Variants in ABTB2 observed in about 807,000 individuals in gnomAD.
ABTB2 encodes the protein ankyrin repeat and BTB/POZ domain-containing protein 2.
In ABTB2, 56 loss-of-function variants were observed where a neutral mutation model predicts 104.1. The observed-to-expected ratio is 0.54, with a 90% CI of 0.43 to 0.67. ABTB2 has a LOEUF of 0.67. Among genes scored for constraint, ABTB2 ranks in the 30% least tolerant of loss-of-function variants. The pLI is 0.00. For synonymous variants in ABTB2, 606 were observed against 608.2 expected (o/e 1.00, Z 0.05); for missense variants, 1,279 against 1,407.7 (o/e 0.91, Z 1.46).
chr11:34,351,439 T>C (rs908238481), intron 1 of ABTB2, among the ~76,000 whole-genome samples: 1 of 152,098 alleles, frequency 6.6e-6, no homozygotes, highest in Non-Finnish European at 1.5e-5. Context: ...CTGAAGACAT[T>C]CTCCTAAACT....
intron 1 of ABTB2, among the ~76,000 whole-genome samples, chr11:34,256,303 C>T (rs1854122290): frequency 6.6e-6 from 1 of 152,096 alleles, no homozygotes; most frequent in Non-Finnish European, 1.5e-5. Flanking sequence ...TTGTCTTTCT[C>T]CCCCCTCCCT....
At chr11:34,165,425 C>T in intron 7 of ABTB2, 69 bp from the exon 8 acceptor site, 1 of 1,352,800 alleles carries the variant, frequency 7.4e-7, no homozygotes, top group Non-Finnish European at 1.0e-6. Flanking sequence ...GGCCAGGGTG[C>T]TTTCGGGGAC....
At position 34,204,632 on chromosome 11, in the gene ABTB2, G is replaced by A. The variant is rs574828722; in HGVS notation, c.942C>T (p.Asp314=). 16 of 1,611,872 alleles carry A rather than the reference G, an allele frequency of 9.9e-6. No individual in the cohort carries two copies. In the African/African-American group the frequency reaches 1.2e-4, roughly 12 times the overall value. The change falls in exon 2 of 17, where the codon GAC becomes GAT. Residue 314 remains aspartate (D), a synonymous_variant. Coordinates refer to ENST00000435224, the MANE Select transcript of ABTB2 (RefSeq NM_145804.3). Reference sequence around the variant, plus strand: ...GCTGGGCATAGGCATCGGCTCGCTCGTCATGGCCCAGGGACCCGCCGTTGT... The same window carrying A: ...GCTGGGCATAGGCATCGGCTCGCTCATCATGGCCCAGGGACCCGCCGTTGT... ...SPYNGGSLGH[D]ERADAYAQLE...
chr11:34,221,063 G>A (rs960132953), intron 1 of ABTB2, among the ~76,000 whole-genome samples: 4 of 151,962 alleles, frequency 2.6e-5, no homozygotes, highest in Non-Finnish European at 4.4e-5. Flanking sequence ...TCCACCTCCC[G>A]GGTTCATGCA....
chr11:34,287,141 G>T (rs541572071), intron 1 of ABTB2, among the ~76,000 whole-genome samples: 24 of 146,110 alleles, frequency 1.6e-4, no homozygotes, highest in Middle Eastern at 3.5e-3. Flanking sequence ...GAGCCCAGGA[G>T]TTCAAGACCA....
At chr11:34,302,071 C>A in intron 1 of ABTB2, among the ~76,000 whole-genome samples, 1 of 152,178 alleles carries the variant, frequency 6.6e-6, no homozygotes, top group East Asian at 1.9e-4. Context: ...ATAAAAATCA[C>A]GTGTGTGTAC....
intron 1 of ABTB2, among the ~76,000 whole-genome samples, chr11:34,323,543 G>A (rs1855030625): frequency 6.6e-6 from 1 of 151,856 alleles, no homozygotes; most frequent in Non-Finnish European, 1.5e-5. Flanking sequence ...TTGCACTATC[G>A]GCTCGTTCTC....
At chr11:34,215,024 G>A (rs1266783634) in intron 1 of ABTB2, among the ~76,000 whole-genome samples, 1 of 152,180 alleles carries the variant, frequency 6.6e-6, no homozygotes. Flanking sequence ...CCCTTCGCCT[G>A]GCCCCAGGTG....
intron 1 of ABTB2, among the ~76,000 whole-genome samples, chr11:34,307,330 T>A (rs1417644079): frequency 2.0e-5 from 3 of 152,228 alleles, no homozygotes; most frequent in Non-Finnish European, 2.9e-5. Flanking sequence ...AACTGAGAAG[T>A]GACCAGCCAC....
At position 34,154,035 on chromosome 11, in the gene ABTB2, G is replaced by A. The variant is rs1362511321; in HGVS notation, c.2880+230C>T. Among the ~76,000 whole-genome samples, 1 of 152,132 alleles carries A rather than the reference G, an allele frequency of 6.6e-6. No homozygotes were observed. The highest frequency in any genetic ancestry group is 1.5e-5 in the Non-Finnish European group (1 of 68,018). ...GTGGCAGAGCTGGAATGTGAACTAG[G>A]GTGCAGCTGGCTCAAAAGCTCACCT... On this transcript the variant is annotated intron_variant, in intron 16 of 16. Coordinates refer to ENST00000435224, the MANE Select transcript of ABTB2 (RefSeq NM_145804.3). This position sits in a 1 kb window ranked among gnomAD's most constrained non-coding sequence, Gnocchi z 4.9.
At position 34,154,691 on chromosome 11, in the gene ABTB2, C is replaced by G; in HGVS notation, c.2766+10G>C. On this transcript the variant is annotated intron_variant, in intron 15 of 16. Transcript: ENST00000435224. This position sits in a 1 kb window ranked among gnomAD's most constrained non-coding sequence, Gnocchi z 4.9. ...TAGCCCAGGCCCCCTCCCCCTCTCC[C>G]GAGTCTCACCTCCAGGATGTCAGTG... 1.9e-6 allele frequency: 3 copies of G among 1,613,990 alleles called. No individual in the cohort carries two copies. The highest frequency in any genetic ancestry group is 2.5e-6 in the Non-Finnish European group (3 of 1,179,886).
At chr11:34,309,078 C>T (rs879938881) in intron 1 of ABTB2, among the ~76,000 whole-genome samples, 4 of 152,158 alleles carry the variant, frequency 2.6e-5, no homozygotes, top group Admixed American at 2.0e-4. Flanking sequence ...AGATTTACTA[C>T]GAAGCCAAAG....
chr11:34,160,709 T>A (rs1436710875), intron 11 of ABTB2, among the ~76,000 whole-genome samples, 194 bp downstream of exon 11: 1 of 19,472 alleles, frequency 5.1e-5, no homozygotes, highest in East Asian at 2.0e-3. Flanking sequence ...GGGGGGGGCC[T>A]GGGTGCTGGG....
chr11:34,269,298 C>G (rs1031167307), intron 1 of ABTB2, among the ~76,000 whole-genome samples: 1 of 152,226 alleles, frequency 6.6e-6, no homozygotes, highest in African/African-American at 2.4e-5. Context: ...GGAGAAATTC[C>G]TGGCTCTGTT....
chr11:34,214,651 C>G (rs1435390219), intron 1 of ABTB2, among the ~76,000 whole-genome samples: 1 of 151,530 alleles, frequency 6.6e-6, no homozygotes, highest in East Asian at 1.9e-4. Flanking sequence ...GCCATCCTCC[C>G]ACTTCAGCCT....
rs970740943 is a variant in ABTB2 at position 34,182,505 on chromosome 11, G to T, written c.1245-9198C>A. Among the ~76,000 whole-genome samples the T allele has an allele frequency of 6.5e-5, 9 of 138,666 alleles. 1 individual carries two copies. Among genetic ancestry groups the T allele is most frequent in the Admixed American group, 5.8e-4 (8 of 13,814 alleles). 91.0% of individuals were successfully genotyped at this position (138,666 alleles called of 152,430 possible). ...TGGGGCATTGGGTTCTCTGGGGGGG[G>T]GGGGAAATTCACTTTTCCTATTAAA... On this transcript the variant is annotated intron_variant, in intron 3 of 16. Transcript: ENST00000435224.
intron 1 of ABTB2, among the ~76,000 whole-genome samples, chr11:34,333,196 T>C (rs1855153105): frequency 6.6e-6 from 1 of 152,074 alleles, no homozygotes; most frequent in African/African-American, 2.4e-5. Context: ...TAAAAGTAAT[T>C]GAAGGTGGCA....
Position 34,297,779 on chromosome 11 carries a change from A to T in ABTB2, c.883+58922T>A, listed in dbSNP as rs559749466. 3.0e-3 allele frequency among the ~76,000 whole-genome samples: 250 copies of T among 83,670 alleles called. 11 individuals carry two copies. The highest frequency in any genetic ancestry group is 4.0e-3 in the Non-Finnish European group (198 of 49,758). The allele number at this position is 83,670 out of a possible 152,430, so 54.9% of individuals were successfully genotyped here. ...GAAACTCCATCTCAAAAAAAAAAAAAAAAAATAAAAATAAAGGAAAGAAAA... is the reference window on the plus strand; with the variant it reads ...GAAACTCCATCTCAAAAAAAAAAAATAAAAATAAAAATAAAGGAAAGAAAA... On this transcript the variant is annotated intron_variant, in intron 1 of 16. Coordinates refer to ENST00000435224, the MANE Select transcript of ABTB2 (RefSeq NM_145804.3).
At chr11:34,183,906 A>G (rs1297324335) in intron 3 of ABTB2, among the ~76,000 whole-genome samples, 1 of 152,154 alleles carries the variant, frequency 6.6e-6, no homozygotes, top group East Asian at 1.9e-4. Flanking sequence ...TTTAAAAACA[A>G]AAACAAAAAC....
Sources: gnomAD v4.1 joint callset for allele counts (sites outside exome capture counted in the v4.1 genomes callset) on GRCh38, gnomAD v4.1.1 for gene constraint, Gnocchi (gnomAD v3.1) non-coding constraint, MANE v1.5 for transcripts, NCBI Gene and HGNC (gene_info 2026-07-23, HGNC 2026-07-21) for gene names.